ARMS2: variants seen among roughly 807,000 people sequenced by gnomAD.
ARMS2 encodes age-related maculopathy susceptibility 2.
A neutral mutation model predicts 6.0 loss-of-function variants in ARMS2; 4 were observed. That is an observed-to-expected ratio of 0.67 (90% CI 0.33 to 1.53). The LOEUF is 1.53. ARMS2 is among the 40% of genes most tolerant of loss of function. ARMS2 has a pLI of 0.06. For missense variants in ARMS2, 99 were observed against 127.6 expected (o/e 0.78, Z 1.08); for synonymous variants, 49 against 51.7 (o/e 0.95, Z 0.22).
At chr10:122,455,349 G>A (rs772971275) in intron 1 of ARMS2, among the ~76,000 whole-genome samples, 22 of 152,166 alleles carry the variant, frequency 1.4e-4, no homozygotes, top group Middle Eastern at 3.2e-3. Flanking sequence ...CCCTCAAGCC[G>A]GTGAATTGGC....
Position 122,454,706 on chromosome 10 carries a change from A to G in ARMS2, c.-22A>G. On this transcript the variant is annotated 5_prime_UTR_variant, in exon 1 of 2. Transcript: ENST00000528446. The stretch of plus-strand genomic sequence containing the variant: ...GCAAGGGGACAGCACCTTTGTCACC[A>G]CATTATGTCCCTGTACCCTACATGC... 6.2e-7 allele frequency: 1 copy of G among 1,603,744 alleles called. No homozygotes were observed. The highest frequency in any genetic ancestry group is 8.5e-7 in the Non-Finnish European group (1 of 1,172,262).
In ARMS2 at chr10:122,457,163, T is replaced by C; in HGVS notation, c.*230T>C. 1.9e-6 allele frequency: 1 copy of C among 537,214 alleles called. No homozygotes were observed. Among genetic ancestry groups the C allele is most frequent in the Non-Finnish European group, 3.3e-6 (1 of 305,428 alleles). 33.3% of individuals were successfully genotyped at this position (537,214 alleles called of 1,614,324 possible). ...ATCACGTCATCACCAATTGGATGCA[T>C]CTTCTGCTCTGTGCAGCTGGTGAAA... On this transcript the variant is annotated 3_prime_UTR_variant, in exon 2 of 2. Coordinates refer to ENST00000528446, the MANE Select transcript of ARMS2 (RefSeq NM_001099667.3).
intron 1 of ARMS2, among the ~76,000 whole-genome samples, chr10:122,456,124 T>C (rs2097476893): frequency 6.6e-6 from 1 of 151,966 alleles, no homozygotes; most frequent in Non-Finnish European, 1.5e-5. Flanking sequence ...AACAAATACA[T>C]AGAATGTAAA....
rs757574176 is a variant in ARMS2, at chr10:122,454,872, G to A, written c.145G>A (p.Glu49Lys). Residue 49 changes from glutamate to lysine, a missense_variant, in exon 1 of 2, where the codon GAA (glutamate) becomes AAA (lysine). By Grantham distance (56) the Glu-to-Lys change is moderately conservative. Transcript: ENST00000528446. Reference protein sequence around the residue: ...ESVLDPGVGGEGASDKQRSKL... With the variant: ...ESVLDPGVGGKGASDKQRSKL... ...TGTGCTGGACCCTGGAGTTGGTGGA[G>A]AAGGAGCCAGTGACAAGCAGAGGAG... is the stretch of plus-strand genomic sequence containing the variant. 1.2e-6 allele frequency: 2 copies of A among 1,613,970 alleles called. No homozygotes were observed. Among genetic ancestry groups the A allele is most frequent in the African/African-American group, 1.3e-5 (1 of 75,050 alleles).
intron 1 of ARMS2, among the ~76,000 whole-genome samples, chr10:122,456,167 G>A (rs1479861421): frequency 6.6e-6 from 1 of 152,018 alleles, no homozygotes; most frequent in African/African-American, 2.4e-5. Context: ...CAGCAGGCCT[G>A]GGGTTGGCTT....
At chr10:122,456,261 T>G (rs926759012) in intron 1 of ARMS2, among the ~76,000 whole-genome samples, 37 of 150,168 alleles carry the variant, frequency 2.5e-4, no homozygotes, top group African/African-American at 8.1e-4. Flanking sequence ...GAGCCTACTC[T>G]GGCTCGAGAG....
At chr10:122,455,083 T>C in intron 1 of ARMS2, 59 bp downstream of exon 1, 1 of 953,764 alleles carries the variant, frequency 1.0e-6, no homozygotes, top group Non-Finnish European at 1.6e-6. Context: ...AATTCTGGAG[T>C]GGTGCCCTGC....
intron 1 of ARMS2, among the ~76,000 whole-genome samples, chr10:122,455,271 C>T (rs918507921): frequency 2.0e-5 from 3 of 152,258 alleles, no homozygotes; most frequent in Admixed American, 1.3e-4. Flanking sequence ...AACAAGAAGA[C>T]GCAGTAGGTC....
chr10:122,456,864 G>A, intron 1 of ARMS2, 43 bp from the exon 2 acceptor site: 2 of 1,487,268 alleles, frequency 1.3e-6, no homozygotes, highest in East Asian at 5.2e-5. Flanking sequence ...ATATCGTCAT[G>A]TGTCTTTAAA....
chr10:122,455,695 T>C (rs36212733), intron 1 of ARMS2, among the ~76,000 whole-genome samples: 35,782 of 152,120 alleles, frequency 0.24, 4,418 homozygotes, highest in East Asian at 0.42. Flanking sequence ...GTATATATAA[T>C]TAGACAAATG....
intron 1 of ARMS2, 134 bp downstream of exon 1, chr10:122,455,158 A>T: frequency 1.6e-6 from 1 of 610,354 alleles, no homozygotes. Context: ...ACCACTGGCC[A>T]CAGGGAGGCC....
chr10:122,454,846 CTG>C lies in ARMS2; in HGVS notation c.122_123del (p.Val41AlafsTer12), dbSNP rs766735556. The C allele has an allele frequency of 6.2e-7, 1 of 1,613,886 alleles. No individual in the cohort carries two copies. The highest frequency in any genetic ancestry group is 8.5e-7 in the Non-Finnish European group (1 of 1,179,904). On this transcript the variant is annotated frameshift_variant, in exon 1 of 2. Coordinates refer to ENST00000528446, the MANE Select transcript of ARMS2 (RefSeq NM_001099667.3). LOFTEE classifies it high-confidence loss of function. Reference sequence around the variant, plus strand: ...TCCTTCATTTCCACTCTGCGAGAGTCTGTGCTGGACCCTGGAGTTGGTGGAGA... The same window carrying C: ...TCCTTCATTTCCACTCTGCGAGAGTCTGCTGGACCCTGGAGTTGGTGGAGA...
At chr10:122,456,125 A>C (rs1163682645) in intron 1 of ARMS2, among the ~76,000 whole-genome samples, 1 of 152,168 alleles carries the variant, frequency 6.6e-6, no homozygotes, top group Non-Finnish European at 1.5e-5. Flanking sequence ...ACAAATACAT[A>C]GAATGTAAAG....
At position 122,454,657 on chromosome 10, in the gene ARMS2, C is replaced by T. The variant is rs887254804; in HGVS notation, c.-71C>T. ...TGACGGGAAAAGACAATGCTCCTGG[C>T]TGAGTGAGATGGCAGCTGGCTTGGC... On this transcript the variant is annotated 5_prime_UTR_variant, in exon 1 of 2. Transcript: ENST00000528446. 1 of 1,573,424 alleles carries T rather than the reference C, an allele frequency of 6.4e-7. No individual in the cohort carries two copies. The highest frequency in any genetic ancestry group is 2.3e-5 in the East Asian group (1 of 44,312).
Position 122,454,726 on chromosome 10 carries a change from A to C in ARMS2, c.-2A>C, listed in dbSNP as rs376890266. ...TCACCACATTATGTCCCTGTACCCT[A>C]CATGCTGCGCCTATACCCAGGACCG... On this transcript the variant is annotated 5_prime_UTR_variant, in exon 1 of 2. Transcript: ENST00000528446. 9 of 1,613,604 alleles carry C rather than the reference A, an allele frequency of 5.6e-6. No homozygotes were observed. In the African/African-American group the frequency reaches 8.0e-5, roughly 14 times the overall value.
Position 122,454,902 on chromosome 10 carries a change from C to A in ARMS2, c.175C>A (p.Leu59Met). 2.5e-6 allele frequency: 4 copies of A among 1,613,902 alleles called. No individual in the cohort carries two copies. The highest frequency in any genetic ancestry group is 3.4e-6 in the Non-Finnish European group (4 of 1,179,824). ...AGCCAGTGACAAGCAGAGGAGCAAA[C>A]TGTCTTTATCACACTCCATGATCCC... ...EGASDKQRSK[L>M]SLSHSMIPAA... The change falls in exon 1 of 2, where the codon CTG becomes ATG. Residue 59 changes from leucine to methionine, a missense_variant. Transcript: ENST00000528446.
Position 122,454,873 on chromosome 10 carries a change from A to C in ARMS2, c.146A>C (p.Glu49Ala), listed in dbSNP as rs2097475953. Residue 49 changes from glutamate to alanine, a missense_variant, in exon 1 of 2, where the codon GAA becomes GCA. By Grantham distance (107) the Glu-to-Ala change is moderately radical. Transcript: ENST00000528446. ...ESVLDPGVGG[E>A]GASDKQRSKL... ...GTGCTGGACCCTGGAGTTGGTGGAG[A>C]AGGAGCCAGTGACAAGCAGAGGAGC... 1 of 1,613,768 alleles carries C rather than the reference A, an allele frequency of 6.2e-7. No homozygotes were observed. The highest frequency in any genetic ancestry group is 8.5e-7 in the Non-Finnish European group (1 of 1,179,860).
intron 1 of ARMS2, among the ~76,000 whole-genome samples, 172 bp downstream of exon 1, chr10:122,455,196 A>G (rs1454908820): frequency 2.0e-5 from 3 of 152,216 alleles, no homozygotes; most frequent in African/African-American, 4.8e-5. Flanking sequence ...CTCTGGTTGA[A>G]TAGCTGGAGA....
chr10:122,454,920 A>G lies in ARMS2; in HGVS notation c.193A>G (p.Met65Val), dbSNP rs771958062. 6 of 1,613,796 alleles carry G rather than the reference A, an allele frequency of 3.7e-6. No homozygotes were observed. Among genetic ancestry groups the G allele is most frequent in the Admixed American group, 1.7e-5 (1 of 60,002 alleles). Reference protein sequence around the residue: ...QRSKLSLSHSMIPAAKIHTEL... With the variant: ...QRSKLSLSHSVIPAAKIHTEL... ...GAGCAAACTGTCTTTATCACACTCCATGATCCCAGCTGCTAAAATCCACAC... is the reference window on the plus strand; with the variant it reads ...GAGCAAACTGTCTTTATCACACTCCGTGATCCCAGCTGCTAAAATCCACAC... Residue 65 changes from methionine (M) to valine (V), a missense_variant, in exon 1 of 2, where the codon ATG (methionine) becomes GTG (valine). Transcript: ENST00000528446.
Sources: gnomAD v4.1 joint callset for allele counts (sites outside exome capture counted in the v4.1 genomes callset) on GRCh38, gnomAD v4.1.1 for gene constraint, MANE v1.5 for transcripts, NCBI Gene and HGNC (gene_info 2026-07-23, HGNC 2026-07-21) for gene names.